RBFOX1: variants seen among roughly 807,000 people sequenced by gnomAD.
The protein encoded by RBFOX1 is RNA binding fox-1 homolog 1.
Under a neutral mutation model 57.7 loss-of-function variants are expected in RBFOX1, and 8 were observed. The observed-to-expected ratio is 0.14, with a 90% CI of 0.08 to 0.25. The LOEUF is 0.25. Among genes scored for constraint, RBFOX1 ranks in the 10% least tolerant of loss-of-function variants. The pLI, the probability that RBFOX1 is intolerant of heterozygous loss-of-function variation, is 1.00. For missense variants in RBFOX1, 611 were observed against 548.5 expected (o/e 1.11, Z -1.14); for synonymous variants, 326 against 222.4 (o/e 1.47, Z -4.15).
intron 1 of RBFOX1, among the ~76,000 whole-genome samples, chr16:6,087,552 C>T (rs928960460): frequency 1.3e-5 from 2 of 152,072 alleles, no homozygotes; most frequent in African/African-American, 4.8e-5. Context: ...TTTCTTCATG[C>T]TATAAATGTC....
intron 1 of RBFOX1, among the ~76,000 whole-genome samples, chr16:6,311,251 G>A (rs968572943): frequency 1.4e-5 from 2 of 141,264 alleles, no homozygotes; most frequent in South Asian, 2.2e-4. Flanking sequence ...AGCTGAGATC[G>A]TGCCACCGTA....
At chr16:6,371,145 G>C (rs12325359) in intron 2 of RBFOX1, among the ~76,000 whole-genome samples, 67,073 of 152,026 alleles carry the variant, frequency 0.44, 16,018 homozygotes, top group African/African-American at 0.61. Flanking sequence ...GATATCTCCA[G>C]TAAAAACTTT....
chr16:5,731,517 T>G (rs2052373282), intron 3 of RBFOX1, among the ~76,000 whole-genome samples: 1 of 152,200 alleles, frequency 6.6e-6, no homozygotes, highest in Non-Finnish European at 1.5e-5. Context: ...GGGCCGTGAT[T>G]TGAACCTCAG....
chr16:5,498,331 A>G (rs897154556), intron 2 of RBFOX1, among the ~76,000 whole-genome samples: 1 of 152,098 alleles, frequency 6.6e-6, no homozygotes, highest in Non-Finnish European at 1.5e-5. Flanking sequence ...TTTAGTAGAG[A>G]CAGGGTTTCA....
chr16:5,511,277 G>C (rs1479798898), intron 2 of RBFOX1, among the ~76,000 whole-genome samples: 3 of 152,162 alleles, frequency 2.0e-5, no homozygotes, highest in African/African-American at 7.2e-5. Context: ...TCAGAGATCT[G>C]GTTTGAGGTC....
chr16:7,428,866 G>A (rs1367499420), intron 4 of RBFOX1, among the ~76,000 whole-genome samples: 2 of 152,066 alleles, frequency 1.3e-5, no homozygotes, highest in Non-Finnish European at 2.9e-5. Context: ...AACAGTAGTA[G>A]AAGTAGCAGC....
chr16:6,677,179 C>G (rs78171949), intron 3 of RBFOX1, among the ~76,000 whole-genome samples: 1 of 151,850 alleles, frequency 6.6e-6, no homozygotes, highest in Admixed American at 6.6e-5. Context: ...ATGAAAGTAC[C>G]AAGTTCACAT....
intron 4 of RBFOX1, among the ~76,000 whole-genome samples, chr16:7,140,474 T>G (rs1331922363): frequency 1.3e-5 from 2 of 152,082 alleles, no homozygotes; most frequent in Non-Finnish European, 2.9e-5. Context: ...GAGAAATGAT[T>G]TCTTCAATTT....
chr16:7,330,770 A>C (rs1383707874), intron 4 of RBFOX1, among the ~76,000 whole-genome samples: 1 of 152,050 alleles, frequency 6.6e-6, no homozygotes, highest in African/African-American at 2.4e-5. Context: ...TACAACACTA[A>C]AGAGACAATT....
chr16:7,427,853 C>T (rs2149502174), intron 4 of RBFOX1, among the ~76,000 whole-genome samples: 1 of 152,194 alleles, frequency 6.6e-6, no homozygotes, highest in South Asian at 2.1e-4. Flanking sequence ...GGGGTTTGAA[C>T]ATGTTTCCCA....
At chr16:6,089,621 G>C (rs919820729) in intron 1 of RBFOX1, among the ~76,000 whole-genome samples, 1 of 152,200 alleles carries the variant, frequency 6.6e-6, no homozygotes, top group East Asian at 1.9e-4. Flanking sequence ...CGGGTCTTTT[G>C]TGTTATCAGC....
intron 4 of RBFOX1, among the ~76,000 whole-genome samples, chr16:7,492,346 G>A (rs569173386): frequency 1.3e-5 from 2 of 152,252 alleles, no homozygotes; most frequent in African/African-American, 4.8e-5. Context: ...CTACCTTAGT[G>A]AATTTAATGA....
At chr16:7,162,701 C>T (rs564552440) in intron 4 of RBFOX1, among the ~76,000 whole-genome samples, 1 of 152,244 alleles carries the variant, frequency 6.6e-6, no homozygotes, top group African/African-American at 2.4e-5. Flanking sequence ...TGCACTCCAC[C>T]CTGGGTAACA....
At chr16:6,889,314 A>G (rs774319107) in intron 3 of RBFOX1, among the ~76,000 whole-genome samples, 5 of 152,126 alleles carry the variant, frequency 3.3e-5, no homozygotes, top group Admixed American at 6.5e-5. Flanking sequence ...GATGGATGTC[A>G]CTTTCAAGTG....
intron 2 of RBFOX1, among the ~76,000 whole-genome samples, chr16:6,507,926 C>T (rs752843005): frequency 3.3e-5 from 5 of 152,060 alleles, no homozygotes; most frequent in Non-Finnish European, 7.4e-5. Flanking sequence ...ACGTTCATTG[C>T]ATCACTTTTC....
At chr16:7,550,465 C>A (rs1342037731) in intron 5 of RBFOX1, among the ~76,000 whole-genome samples, 1 of 152,156 alleles carries the variant, frequency 6.6e-6, no homozygotes, top group Admixed American at 6.5e-5. Context: ...CATTGAATGT[C>A]TCTTCCATTT....
At chr16:5,249,892 CAGGTTGCAGTGAGGAGG>C (rs1441991571) in intron 1 of RBFOX1, among the ~76,000 whole-genome samples, 48 of 151,660 alleles carry the variant, frequency 3.2e-4, no homozygotes, top group South Asian at 4.2e-4. Context: ...CCAGAAGCAG[CAGGTTGCAGTGAGGAGG>C]AGGTTGCAGT....
intron 4 of RBFOX1, among the ~76,000 whole-genome samples, chr16:7,485,999 A>C (rs768760589): frequency 6.6e-6 from 1 of 152,174 alleles, no homozygotes; most frequent in Non-Finnish European, 1.5e-5. Context: ...CATAGAGCTG[A>C]AAGTGTTTCC....
At chr16:6,700,607 G>C (rs894041288) in intron 3 of RBFOX1, among the ~76,000 whole-genome samples, 11 of 152,060 alleles carry the variant, frequency 7.2e-5, no homozygotes, top group African/African-American at 2.7e-4. Flanking sequence ...GCAGTGAGCT[G>C]AGATCGCACC....
Sources: gnomAD v4.1 joint callset for allele counts (sites outside exome capture counted in the v4.1 genomes callset) on GRCh38, gnomAD v4.1.1 for gene constraint, MANE v1.5 for transcripts, NCBI Gene and HGNC (gene_info 2026-07-23, HGNC 2026-07-21) for gene names.